Variants in TMEM132D observed in about 807,000 individuals in gnomAD.
TMEM132D encodes the protein mature OL transmembrane protein.
TMEM132D carries 21 observed loss-of-function variants against 62.3 expected under a neutral mutation model. The observed-to-expected ratio is 0.34, with a 90% confidence interval of 0.24 to 0.49. The LOEUF (loss-of-function observed/expected upper bound fraction) is 0.49. Among genes scored for constraint, TMEM132D ranks in the 20% least tolerant of loss-of-function variants. The pLI is 0.99. For missense variants in TMEM132D, 1,346 were observed against 1,402.8 expected (o/e 0.96, Z 0.65); for synonymous variants, 621 against 575.6 (o/e 1.08, Z -1.13).
chr12:129,539,556 C>T (rs1876526791), intron 2 of TMEM132D, among the ~76,000 whole-genome samples: 1 of 144,572 alleles, frequency 6.9e-6, no homozygotes, highest in Non-Finnish European at 1.5e-5. Flanking sequence ...AGGAGCCCGC[C>T]ACTGGCTAAT....
intron 2 of TMEM132D, among the ~76,000 whole-genome samples, chr12:129,605,336 C>G (rs545301542): frequency 6.6e-6 from 1 of 151,876 alleles, no homozygotes; most frequent in East Asian, 1.9e-4. Context: ...GATATATATA[C>G]AAAACACAAA....
intron 1 of TMEM132D, among the ~76,000 whole-genome samples, chr12:129,859,441 T>A (rs186755205): frequency 1.3e-5 from 2 of 152,356 alleles, no homozygotes; most frequent in Admixed American, 1.3e-4. Flanking sequence ...ATTTTAAAAT[T>A]ACAACATGTG....
Position 129,371,637 on chromosome 12 carries a change from G to A in TMEM132D, c.1116-33820C>T, listed in dbSNP as rs1870605566. ...TGATGATGATGGTGGTGATGGTGAT[G>A]GTGGTGGTGATGGTGATGGTTATGA... On this transcript the variant is annotated intron_variant, in intron 3 of 8. Transcript: ENST00000422113. This position sits in a 1 kb window ranked among gnomAD's most constrained non-coding sequence, Gnocchi z 4.3. 6.6e-6 allele frequency among the ~76,000 whole-genome samples: 1 copy of A among 151,904 alleles called. No individual in the cohort carries two copies.
At chr12:129,568,289 T>A (rs1422827256) in intron 2 of TMEM132D, among the ~76,000 whole-genome samples, 2 of 152,222 alleles carry the variant, frequency 1.3e-5, no homozygotes, top group Non-Finnish European at 2.9e-5. Flanking sequence ...TTTTGTCACT[T>A]GCTACCAGGC....
At chr12:129,303,000 T>C (rs142605486) in intron 4 of TMEM132D, among the ~76,000 whole-genome samples, 179 of 152,308 alleles carry the variant, frequency 1.2e-3, no homozygotes, top group African/African-American at 3.7e-3. Flanking sequence ...GAAACCAATG[T>C]CTTCTACTCC....
chr12:129,699,307 C>T (rs1464667339), intron 2 of TMEM132D, among the ~76,000 whole-genome samples: 1 of 152,104 alleles, frequency 6.6e-6, no homozygotes, highest in Non-Finnish European at 1.5e-5. Context: ...ACACTAAGTT[C>T]TATTTCCAGG....
chr12:129,277,283 A>T lies in TMEM132D; in HGVS notation c.1299+60351T>A, dbSNP rs1881029543. The stretch of plus-strand genomic sequence containing the variant: ...GAAGAAGAGATGTATTTTCCTCAAC[A>T]ATGAGGTCCAGACTTAGAGGTATTT... On this transcript the variant is annotated intron_variant, in intron 4 of 8. Transcript: ENST00000422113. The surrounding 1 kb of genome is among the most constrained non-coding windows in gnomAD (Gnocchi z 4.2). 6.6e-6 allele frequency among the ~76,000 whole-genome samples: 1 copy of T among 152,152 alleles called. No homozygotes were observed. Among genetic ancestry groups the T allele is most frequent in the Non-Finnish European group, 1.5e-5 (1 of 68,036 alleles).
At chr12:129,552,428 C>A (rs1398085304) in intron 2 of TMEM132D, among the ~76,000 whole-genome samples, 1 of 152,134 alleles carries the variant, frequency 6.6e-6, no homozygotes, top group African/African-American at 2.4e-5. Flanking sequence ...ATCTACCTAG[C>A]ATCTATCCAT....
intron 1 of TMEM132D, among the ~76,000 whole-genome samples, chr12:129,888,631 G>C (rs1017798543): frequency 2.0e-5 from 3 of 152,160 alleles, no homozygotes; most frequent in Admixed American, 6.5e-5. Context: ...TTGAACCCAG[G>C]AGACAGAGGT....
intron 3 of TMEM132D, among the ~76,000 whole-genome samples, chr12:129,529,597 G>T (rs544172453): frequency 3.5e-4 from 54 of 152,280 alleles, no homozygotes; most frequent in African/African-American, 1.3e-3. Context: ...AAAAAGAGAT[G>T]GCAAAAGAAA....
At chr12:129,466,279 C>CTTTTTTTTTTTTT (rs551019541) in intron 3 of TMEM132D, among the ~76,000 whole-genome samples, 1 of 100,398 alleles carries the variant, frequency 1.0e-5, no homozygotes, top group African/African-American at 3.8e-5. Context: ...TAGATTTTTC[C>CTTTTTTTTTTTTT]TTTTTTTTTT....
chr12:129,272,193 G>A (rs1222995583), intron 4 of TMEM132D, among the ~76,000 whole-genome samples: 5 of 151,814 alleles, frequency 3.3e-5, no homozygotes, highest in South Asian at 4.1e-4. Context: ...TTTTAGGATC[G>A]GCAGGGACCG....
intron 3 of TMEM132D, among the ~76,000 whole-genome samples, chr12:129,346,030 T>C (rs1032717054): frequency 6.6e-6 from 1 of 152,220 alleles, no homozygotes; most frequent in Non-Finnish European, 1.5e-5. Context: ...CTCCTCTTTG[T>C]ACCTCTGGTA....
At chr12:129,793,762 A>C (rs929345275) in intron 1 of TMEM132D, among the ~76,000 whole-genome samples, 1 of 152,204 alleles carries the variant, frequency 6.6e-6, no homozygotes, top group Non-Finnish European at 1.5e-5. Context: ...GAAATTTAGG[A>C]GTACCCTTCT....
chr12:129,730,802 C>T (rs866674309), intron 1 of TMEM132D, among the ~76,000 whole-genome samples: 3 of 152,078 alleles, frequency 2.0e-5, no homozygotes, highest in African/African-American at 4.8e-5. Flanking sequence ...ATCTTTCTCC[C>T]GTGCTGGATG....
Position 129,337,768 on chromosome 12 carries a change from C to T in TMEM132D, c.1165G>A (p.Glu389Lys), listed in dbSNP as rs1257490372. ...TGTGTGGCTGGCAGGTCACCAGGCT[C>T]TTCCACCTCCACATCGATCTGCATG... ...EVMQIDVEVE[E>K]PGDLPATQLV... is the part of the protein sequence containing the mutation. Residue 389 changes from glutamate to lysine, a missense_variant, in exon 4 of 9, where the codon GAG becomes AAG. Transcript: ENST00000422113. 1 of 1,614,044 alleles carries T rather than the reference C, an allele frequency of 6.2e-7. No homozygotes were observed. Among genetic ancestry groups the T allele is most frequent in the East Asian group, 2.2e-5 (1 of 44,882 alleles).
intron 4 of TMEM132D, among the ~76,000 whole-genome samples, chr12:129,222,754 T>A (rs1249273728): frequency 2.6e-5 from 4 of 151,902 alleles, no homozygotes; most frequent in Non-Finnish European, 5.9e-5. Flanking sequence ...CTGGGTGAGG[T>A]GTTGGGGGAA....
intron 1 of TMEM132D, among the ~76,000 whole-genome samples, chr12:129,760,422 C>T (rs140046761): frequency 6.7e-6 from 1 of 149,586 alleles, no homozygotes; most frequent in Non-Finnish European, 1.5e-5. Flanking sequence ...AGCTCCGCCT[C>T]CCGGGTTCAC....
intron 3 of TMEM132D, among the ~76,000 whole-genome samples, chr12:129,471,041 A>G (rs1323257850): frequency 2.6e-5 from 4 of 152,118 alleles, no homozygotes; most frequent in Non-Finnish European, 5.9e-5. Flanking sequence ...TCTTTGACTC[A>G]TGTTTATTAT....
Sources: gnomAD v4.1 joint callset for allele counts (sites outside exome capture counted in the v4.1 genomes callset) on GRCh38, gnomAD v4.1.1 for gene constraint, Gnocchi (gnomAD v3.1) non-coding constraint, MANE v1.5 for transcripts, NCBI Gene and HGNC (gene_info 2026-07-23, HGNC 2026-07-21) for gene names.